GBE1: variants seen among roughly 807,000 people sequenced by gnomAD.
GBE1 encodes 1,4-alpha-glucan branching enzyme 1.
Under a neutral mutation model 88.8 loss-of-function variants are expected in GBE1, and 70 were observed. The observed-to-expected ratio is 0.79, with a 90% CI of 0.65 to 0.96. The LOEUF is 0.96. Among genes scored for constraint, GBE1 ranks in the 40% least tolerant of loss-of-function variants. The pLI is 0.00. For synonymous variants in GBE1, 284 were observed against 300.1 expected, an observed-to-expected ratio of 0.95 and a Z score of 0.56; for missense variants, 872 against 871.0, an observed-to-expected ratio of 1.00 and a Z score of -0.01.
Position 81,512,857 on chromosome 3 carries a change from C to T in GBE1, c.1935-13630G>A, listed in dbSNP as rs142059442. 2.4e-3 allele frequency among the ~76,000 whole-genome samples: 360 copies of T among 151,714 alleles called. 2 individuals carry two copies. Among genetic ancestry groups the T allele is most frequent in the African/African-American group, 8.3e-3 (344 of 41,432 alleles). ...TTTAACTTTTGGTACTAATTTTGAT[C>T]TCTTAAAATAAGCTTGTATTTCAGA... is the stretch of plus-strand genomic sequence containing the variant. On this transcript the variant is annotated intron_variant, in intron 14 of 15. Coordinates refer to ENST00000429644, the MANE Select transcript of GBE1 (RefSeq NM_000158.4).
chr3:81,660,717 A>AAAC (rs1705015698), intron 3 of GBE1, among the ~76,000 whole-genome samples: 2 of 152,072 alleles, frequency 1.3e-5, no homozygotes, highest in South Asian at 4.2e-4. Flanking sequence ...GTGCAAAAAA[A>AAAC]ACACACACAC....
In GBE1 at chr3:81,489,718, T is replaced by C. The variant is rs2106796108; in HGVS notation, c.*689A>G. ...GCAAAGGCAATTTTACAAAAGCTTT[T>C]TATTGATTGAAATGAAAGACATTTT... On this transcript the variant is annotated 3_prime_UTR_variant, in exon 16 of 16. Transcript: ENST00000429644. 6.6e-6 allele frequency: 1 copy of C among 152,210 alleles called. No homozygotes were observed. The highest frequency in any genetic ancestry group is 2.1e-4 in the South Asian group (1 of 4,832). The allele number at this position is 152,210 out of a possible 1,614,324, so 9.4% of individuals were successfully genotyped here.
chr3:81,729,637 T>A (rs1279271650), intron 1 of GBE1, among the ~76,000 whole-genome samples: 1 of 152,128 alleles, frequency 6.6e-6, no homozygotes, highest in African/African-American at 2.4e-5. Context: ...CCCATATAAA[T>A]ACCCATCATA....
At chr3:81,681,943 T>G (rs1481859396) in intron 2 of GBE1, among the ~76,000 whole-genome samples, 1 of 152,104 alleles carries the variant, frequency 6.6e-6, no homozygotes, top group African/African-American at 2.4e-5. Context: ...TCTTCAAAAT[T>G]AAAATTTTTG....
At chr3:81,526,644 C>T (rs1702948187) in intron 14 of GBE1, among the ~76,000 whole-genome samples, 1 of 152,022 alleles carries the variant, frequency 6.6e-6, no homozygotes, top group Admixed American at 6.6e-5. Flanking sequence ...AATCAAATAC[C>T]TAGGAATCCA....
intron 3 of GBE1, among the ~76,000 whole-genome samples, chr3:81,668,380 AT>A (rs1705143541): frequency 6.6e-6 from 1 of 152,222 alleles, no homozygotes; most frequent in Admixed American, 6.5e-5. Context: ...TTAATCAAAA[AT>A]AATAATAATT....
At chr3:81,517,399 C>G (rs560205699) in intron 14 of GBE1, among the ~76,000 whole-genome samples, 4 of 151,426 alleles carry the variant, frequency 2.6e-5, no homozygotes, top group Admixed American at 6.6e-5. Flanking sequence ...AACATAACTT[C>G]TATATGTATT....
intron 7 of GBE1, among the ~76,000 whole-genome samples, chr3:81,609,093 C>T (rs913518991): frequency 5.9e-5 from 9 of 152,114 alleles, no homozygotes; most frequent in Non-Finnish European, 1.5e-5. Context: ...CTAGTCCCAC[C>T]TCTGGTGATA....
In GBE1 at chr3:81,756,549, G is replaced by A. The variant is rs889456150; in HGVS notation, c.143+4826C>T. ...CACTTATGAGAGCAAACAATCTAGT[G>A]GGGGATACAAAGAGTAGAAAGACAA... On this transcript the variant is annotated intron_variant, in intron 1 of 15. Coordinates refer to ENST00000429644, the MANE Select transcript of GBE1 (RefSeq NM_000158.4). Among the ~76,000 whole-genome samples the A allele has an allele frequency of 2.6e-5, 4 of 152,192 alleles. No homozygotes were observed. In the East Asian group the frequency reaches 5.8e-4, roughly 22 times the overall value.
At chr3:81,520,957 T>C (rs1372219475) in intron 14 of GBE1, among the ~76,000 whole-genome samples, 4 of 151,600 alleles carry the variant, frequency 2.6e-5, no homozygotes, top group Non-Finnish European at 4.4e-5. Context: ...GCTTTATTGA[T>C]ACAAATCAGT....
Position 81,755,474 on chromosome 3 carries a change from A to C in GBE1, c.143+5901T>G, listed in dbSNP as rs150060679. On this transcript the variant is annotated intron_variant, in intron 1 of 15. Transcript: ENST00000429644. ...ATCCACCAATGCTACTACTGGGTAT[A>C]TATCCAAAAGAAATAAAATCAGTAT... 1.1e-4 allele frequency among the ~76,000 whole-genome samples: 16 copies of C among 152,338 alleles called. No homozygotes were observed. In the East Asian group the frequency reaches 3.1e-3, roughly 29 times the overall value.
chr3:81,524,722 T>G (rs1320807128), intron 14 of GBE1, among the ~76,000 whole-genome samples: 1 of 151,920 alleles, frequency 6.6e-6, no homozygotes, highest in Admixed American at 6.6e-5. Context: ...TCACTGTAGA[T>G]ACATGGATTG....
intron 7 of GBE1, chr3:81,612,308 T>A: frequency 1.2e-6 from 1 of 868,752 alleles, no homozygotes; most frequent in Non-Finnish European, 1.8e-6. Context: ...CGTTTGACTT[T>A]AATGTTTCGT....
chr3:81,595,340 C>T (rs1183178810), intron 7 of GBE1, among the ~76,000 whole-genome samples: 1 of 151,664 alleles, frequency 6.6e-6, no homozygotes, highest in East Asian at 1.9e-4. Flanking sequence ...ATCAAAATCA[C>T]TCTATTTTGC....
At chr3:81,499,719 G>A (rs1007991610) in intron 14 of GBE1, among the ~76,000 whole-genome samples, 3 of 152,086 alleles carry the variant, frequency 2.0e-5, no homozygotes, top group Non-Finnish European at 4.4e-5. Context: ...TTGCATCTGT[G>A]AATTGAATCA....
At chr3:81,667,785 G>A (rs1384361144) in intron 3 of GBE1, among the ~76,000 whole-genome samples, 2 of 152,100 alleles carry the variant, frequency 1.3e-5, no homozygotes, top group African/African-American at 2.4e-5. Context: ...CTTGCATCCC[G>A]GGGATGAAAC....
chr3:81,644,301 T>A (rs1454380915), intron 6 of GBE1, among the ~76,000 whole-genome samples: 2 of 152,044 alleles, frequency 1.3e-5, no homozygotes, highest in Non-Finnish European at 2.9e-5. Flanking sequence ...GGAGGGAAGG[T>A]TTGCTATTTT....
chr3:81,509,205 C>T (rs1022044740), intron 14 of GBE1, among the ~76,000 whole-genome samples: 1 of 150,588 alleles, frequency 6.6e-6, no homozygotes, highest in East Asian at 1.9e-4. Context: ...CTAGAATTTG[C>T]TATTTAAAAA....
At chr3:81,616,985 A>C (rs1229565349) in intron 7 of GBE1, among the ~76,000 whole-genome samples, 4 of 151,952 alleles carry the variant, frequency 2.6e-5, no homozygotes, top group Admixed American at 1.3e-4. Flanking sequence ...AGAGAGAAGG[A>C]GGGAGAGAAT....
Sources: gnomAD v4.1 joint callset for allele counts (sites outside exome capture counted in the v4.1 genomes callset) on GRCh38, gnomAD v4.1.1 for gene constraint, MANE v1.5 for transcripts, NCBI Gene and HGNC (gene_info 2026-07-23, HGNC 2026-07-21) for gene names.